GRM3: variants seen among roughly 807,000 people sequenced by gnomAD.
The protein encoded by GRM3 is glutamate metabotropic receptor 3.
Under a neutral mutation model 70.5 loss-of-function variants are expected in GRM3, and 26 were observed. The observed-to-expected ratio is 0.37, with a 90% CI of 0.27 to 0.51. GRM3 has a LOEUF of 0.51. Among genes scored for constraint, GRM3 ranks in the 20% least tolerant of loss-of-function variants. The probability of loss-of-function intolerance (pLI) is 0.93; values close to 1 mark genes in which losing one functional copy is unlikely to be tolerated. For missense variants in GRM3, 859 were observed against 1,123.8 expected (o/e 0.76, Z 3.37); for synonymous variants, 443 against 434.9 (o/e 1.02, Z -0.23).
chr7:86,828,267 G>A (rs1798284186), intron 3 of GRM3, among the ~76,000 whole-genome samples: 1 of 151,582 alleles, frequency 6.6e-6, no homozygotes, highest in South Asian at 2.1e-4. Flanking sequence ...AAATCACAAC[G>A]AGATACCGGT....
intron 1 of GRM3, among the ~76,000 whole-genome samples, chr7:86,658,105 G>A (rs1283903725): frequency 2.0e-5 from 3 of 152,114 alleles, no homozygotes; most frequent in Admixed American, 2.0e-4. Flanking sequence ...TAGATGGGAG[G>A]TTAAGCCAAC....
At chr7:86,769,770 T>A (rs1204556161) in intron 2 of GRM3, among the ~76,000 whole-genome samples, 1 of 152,164 alleles carries the variant, frequency 6.6e-6, no homozygotes, top group Admixed American at 6.6e-5. Context: ...AACAAGCCAG[T>A]CTGCTGTGGT....
intron 1 of GRM3, among the ~76,000 whole-genome samples, chr7:86,711,392 C>T (rs1795196750): frequency 6.6e-6 from 1 of 151,940 alleles, no homozygotes; most frequent in Non-Finnish European, 1.5e-5. Context: ...ATTATTTTTG[C>T]AAAATATTTC....
Position 86,765,149 on chromosome 7 carries a change from A to G in GRM3, c.4A>G (p.Lys2Glu). The G allele has an allele frequency of 1.9e-6, 3 of 1,568,884 alleles. No homozygotes were observed. The highest frequency in any genetic ancestry group is 2.6e-6 in the Non-Finnish European group (3 of 1,161,602). ...CAGAGGTACAGAAACAGGATTCATG[A>G]AGATGTTGACAAGACTGCAAGTTCT... M[K>E]MLTRLQVLTL... Residue 2 changes from lysine to glutamate, a missense_variant, in exon 2 of 6, where the codon AAG (lysine) becomes GAG (glutamate). Coordinates refer to ENST00000361669, the MANE Select transcript of GRM3 (RefSeq NM_000840.3).
intron 2 of GRM3, among the ~76,000 whole-genome samples, chr7:86,775,523 C>T (rs1282732102): frequency 6.6e-6 from 1 of 152,000 alleles, no homozygotes; most frequent in Non-Finnish European, 1.5e-5. Context: ...TTGGATATCA[C>T]CAACTCTCTT....
chr7:86,859,254 A>G (rs899681143), intron 5 of GRM3, among the ~76,000 whole-genome samples: 1 of 152,164 alleles, frequency 6.6e-6, no homozygotes, highest in African/African-American at 2.4e-5. Context: ...AACCCACTGC[A>G]CCAGGCCCAG....
intron 3 of GRM3, among the ~76,000 whole-genome samples, chr7:86,817,995 T>C (rs1275383268): frequency 6.6e-6 from 1 of 151,956 alleles, no homozygotes; most frequent in Non-Finnish European, 1.5e-5. Context: ...ACGCTGAGCC[T>C]ACCTCCTTAG....
chr7:86,758,814 T>A (rs1187360338), intron 1 of GRM3, among the ~76,000 whole-genome samples: 1 of 152,112 alleles, frequency 6.6e-6, no homozygotes, highest in Non-Finnish European at 1.5e-5. Flanking sequence ...TTGGTCAAGG[T>A]CGAATAGTGA....
intron 2 of GRM3, among the ~76,000 whole-genome samples, chr7:86,778,017 T>C (rs1338223724): frequency 6.6e-6 from 1 of 152,134 alleles, no homozygotes; most frequent in Admixed American, 6.5e-5. Flanking sequence ...AAGCATTTAA[T>C]TAAAAGAACT....
chr7:86,783,513 TTGTG>T (rs3831547), intron 2 of GRM3, among the ~76,000 whole-genome samples: 49,845 of 151,002 alleles, frequency 0.33, 8,700 homozygotes, highest in African/African-American at 0.47. Context: ...CAAAATATGT[TTGTG>T]TGTGTGTGTG....
At chr7:86,666,147 A>C (rs1315640371) in intron 1 of GRM3, among the ~76,000 whole-genome samples, 1 of 152,056 alleles carries the variant, frequency 6.6e-6, no homozygotes, top group Non-Finnish European at 1.5e-5. Flanking sequence ...TAGAGGTTTT[A>C]AGCTTCACTT....
chr7:86,714,265 T>C (rs1412028493), intron 1 of GRM3, among the ~76,000 whole-genome samples: 4 of 152,034 alleles, frequency 2.6e-5, no homozygotes, highest in Admixed American at 1.3e-4. Flanking sequence ...ACTGACCCAA[T>C]TTCATGTGAT....
chr7:86,700,419 T>A (rs1288369584), intron 1 of GRM3, among the ~76,000 whole-genome samples: 1 of 151,902 alleles, frequency 6.6e-6, no homozygotes, highest in Non-Finnish European at 1.5e-5. Context: ...AATTGCGAGG[T>A]GAAATGAGAG....
intron 1 of GRM3, among the ~76,000 whole-genome samples, chr7:86,735,348 T>A (rs972425159): frequency 6.6e-6 from 1 of 152,116 alleles, no homozygotes; most frequent in African/African-American, 2.4e-5. Context: ...TAGAAATTTT[T>A]GAAGTCAGAC....
chr7:86,694,717 G>A (rs1454197081), intron 1 of GRM3, among the ~76,000 whole-genome samples: 1 of 152,094 alleles, frequency 6.6e-6, no homozygotes, highest in East Asian at 1.9e-4. Context: ...CACTTAACAA[G>A]TGACTTTTTT....
chr7:86,774,494 A>G (rs2116464970), intron 2 of GRM3, among the ~76,000 whole-genome samples: 1 of 152,226 alleles, frequency 6.6e-6, no homozygotes, highest in South Asian at 2.1e-4. Flanking sequence ...GTTACTAGTA[A>G]CAAAGTTTTG....
intron 5 of GRM3, among the ~76,000 whole-genome samples, chr7:86,854,840 G>A (rs1173619833): frequency 6.6e-6 from 1 of 152,194 alleles, no homozygotes; most frequent in Non-Finnish European, 1.5e-5. Context: ...AGAGGAAGCA[G>A]GGTTTCAGAG....
Position 86,720,407 on chromosome 7 carries a change from T to C in GRM3, c.-140-44599T>C, listed in dbSNP as rs140978104. Among the ~76,000 whole-genome samples, 224 of 152,100 alleles carry C rather than the reference T, an allele frequency of 1.5e-3. 3 individuals carry two copies. The highest frequency in any genetic ancestry group is 3.9e-3 in the Admixed American group (59 of 15,242). ...ATTGAGCAGTTGATTAAAATAGCTT[T>C]AGACATCAGAAGATGAATGAAAGTT... is the stretch of plus-strand genomic sequence containing the variant. On this transcript the variant is annotated intron_variant, in intron 1 of 5. Coordinates refer to ENST00000361669, the MANE Select transcript of GRM3 (RefSeq NM_000840.3).
intron 1 of GRM3, among the ~76,000 whole-genome samples, chr7:86,655,421 A>T (rs1487720027): frequency 6.6e-6 from 1 of 152,202 alleles, no homozygotes; most frequent in Admixed American, 6.5e-5. Flanking sequence ...AAATTGTGGA[A>T]TAAAATAAAA....
Sources: gnomAD v4.1 joint callset for allele counts (sites outside exome capture counted in the v4.1 genomes callset) on GRCh38, gnomAD v4.1.1 for gene constraint, MANE v1.5 for transcripts, NCBI Gene and HGNC (gene_info 2026-07-23, HGNC 2026-07-21) for gene names.